Variants in IFT20 observed in about 807,000 individuals in gnomAD.
IFT20 encodes intraflagellar transport 20.
In IFT20, 4 loss-of-function variants were observed where a neutral mutation model predicts 16.9. The ratio of observed to expected loss-of-function variants is 0.24; its 90% CI spans 0.12 to 0.54. The LOEUF (loss-of-function observed/expected upper bound fraction) is 0.54. IFT20 is among the 20% of genes least tolerant of loss of function. The pLI, the probability that IFT20 is intolerant of heterozygous loss-of-function variation, is 0.95. For missense variants in IFT20, 154 were observed against 149.7 expected, an observed-to-expected ratio of 1.03 and a Z score of -0.15; for synonymous variants, 48 against 49.9, an observed-to-expected ratio of 0.96 and a Z score of 0.16.
chr17:28,328,878 C>G, intron 4 of IFT20, 145 bp from the exon 5 acceptor site: 1 of 669,488 alleles, frequency 1.5e-6, no homozygotes, highest in East Asian at 2.6e-5. Flanking sequence ...AAAGCCCTAC[C>G]CAGAGCCACC....
At chr17:28,329,079 A>T (rs782544942) in intron 4 of IFT20, 94 bp downstream of exon 4, 1 of 832,144 alleles carries the variant, frequency 1.2e-6, no homozygotes. Flanking sequence ...CTGGGAAAAC[A>T]ATGATGAAGA....
chr17:28,334,267 T>C (rs944904414), intron 1 of IFT20, among the ~76,000 whole-genome samples: 3 of 152,058 alleles, frequency 2.0e-5, no homozygotes, highest in African/African-American at 7.2e-5. Flanking sequence ...CTGAAAAAAA[T>C]GACACTTAAA....
intron 3 of IFT20, chr17:28,329,755 A>G (rs1277246671): frequency 1.2e-5 from 2 of 165,250 alleles, no homozygotes; most frequent in African/African-American, 4.8e-5. Context: ...GTGAAACCCC[A>G]TCTTTACTAA....
At chr17:28,328,892 G>A in intron 4 of IFT20, 159 bp from the exon 5 acceptor site, 2 of 650,692 alleles carry the variant, frequency 3.1e-6, no homozygotes, top group South Asian at 4.0e-5. Flanking sequence ...AGCCACCCAT[G>A]AGAAATCTCC....
intron 3 of IFT20, 75 bp downstream of exon 3, chr17:28,330,366 CAA>C: frequency 6.0e-6 from 6 of 1,007,892 alleles, no homozygotes; most frequent in Non-Finnish European, 9.6e-6. Flanking sequence ...CTAAATAAAT[CAA>C]GAGGGAAGAG....
rs1209786574 is a variant in IFT20 at position 28,329,234 on chromosome 17, T to C, written c.256A>G (p.Arg86Gly). The change falls in exon 4 of 5, where the codon AGA becomes GGA. Residue 86 changes from arginine to glycine, a missense_variant. Physicochemically the swap from Arg to Gly is moderately radical, Grantham distance 125. Transcript: ENST00000395418. ...RNLLKSIAKQREAQQQQLQAL... is the reference protein window; with the variant it reads ...RNLLKSIAKQGEAQQQQLQAL... ...TGAAGTTGCTGCTGTTGAGCTTCTC[T>C]CTGCTTTGCTATAGATTTGAGCAAG... is the stretch of plus-strand genomic sequence containing the variant. The C allele has an allele frequency of 6.2e-7, 1 of 1,614,206 alleles. No homozygotes were observed. The highest frequency in any genetic ancestry group is 1.7e-5 in the Admixed American group (1 of 60,028).
chr17:28,333,093 A>ACACACACACG (rs1337756826), intron 1 of IFT20, among the ~76,000 whole-genome samples: 10 of 148,156 alleles, frequency 6.7e-5, no homozygotes, highest in African/African-American at 2.6e-4. Flanking sequence ...ACACACACAC[A>ACACACACACG]CACACACACA....
chr17:28,330,916 C>A (rs1906734156), intron 2 of IFT20, among the ~76,000 whole-genome samples: 2 of 152,222 alleles, frequency 1.3e-5, no homozygotes, highest in South Asian at 4.1e-4. Flanking sequence ...CTGAGCCAGC[C>A]AGCCGCTATG....
intron 1 of IFT20, among the ~76,000 whole-genome samples, chr17:28,333,738 C>A (rs1469914441): frequency 1.3e-5 from 2 of 152,144 alleles, no homozygotes; most frequent in Non-Finnish European, 2.9e-5. Flanking sequence ...TGAAACCAGC[C>A]TGGGCAATGT....
intron 3 of IFT20, 83 bp downstream of exon 3, chr17:28,330,360 A>C (rs1555576328): frequency 1.0e-6 from 1 of 985,136 alleles, no homozygotes; most frequent in East Asian, 2.4e-5. Flanking sequence ...ACCCCTCTAA[A>C]TAAATCAAGA....
chr17:28,329,520 G>A (rs782621698), intron 3 of IFT20: 5 of 451,366 alleles, frequency 1.1e-5, no homozygotes, highest in Non-Finnish European at 2.0e-5. Flanking sequence ...AGGCACAATA[G>A]CACATTTGGT....
At position 28,331,929 on chromosome 17, in the gene IFT20, C is replaced by T. The variant is rs1555576612; in HGVS notation, c.57G>A (p.Leu19=). Residue 19 remains leucine (L), a synonymous_variant, in exon 2 of 5, where the codon CTG becomes CTA. Transcript: ENST00000395418. ...GGGTAACCTCTGGGTCCAACACCCT[C>T]AGCTTGTTCAGTTCATCAAAGTGTA... ...AGLHFDELNK[L]RVLDPEVTQQ... 4 of 1,614,248 alleles carry T rather than the reference C, an allele frequency of 2.5e-6. No homozygotes were observed. Among genetic ancestry groups the T allele is most frequent in the Non-Finnish European group, 3.4e-6 (4 of 1,180,040 alleles).
At chr17:28,330,312 T>C (rs530508312) in intron 3 of IFT20, 131 bp downstream of exon 3, 29 of 696,944 alleles carry the variant, frequency 4.2e-5, no homozygotes, top group Middle Eastern at 2.4e-4. Flanking sequence ...CCAGAAGTTA[T>C]TAAAATCTTA....
At chr17:28,334,774 T>G (rs1262537897) in intron 1 of IFT20, among the ~76,000 whole-genome samples, 2 of 152,190 alleles carry the variant, frequency 1.3e-5, no homozygotes, top group Non-Finnish European at 2.9e-5. Flanking sequence ...CGAGTTGAGA[T>G]GTTTTGTAAG....
chr17:28,332,975 T>G lies in IFT20; in HGVS notation c.-2-988A>C, dbSNP rs1458569394. On this transcript the variant is annotated intron_variant, in intron 1 of 4. Coordinates refer to ENST00000395418, the MANE Select transcript of IFT20 (RefSeq NM_001267776.2). The stretch of plus-strand genomic sequence containing the variant: ...GTAGGCAACAGAGAACTAACAGAGA[T>G]ATCTTCTCCCTTACCAAGCCACCTT... Among the ~76,000 whole-genome samples the G allele has an allele frequency of 2.6e-5, 4 of 151,910 alleles. No homozygotes were observed. The East Asian group carries it at 7.7e-4, about 29-fold the overall frequency.
chr17:28,331,986 G>T lies in IFT20; in HGVS notation c.-1C>A, dbSNP rs782112360. On this transcript the variant is annotated splice_region_variant and 5_prime_UTR_variant, in exon 2 of 5. Transcript: ENST00000395418. ...CTTCACCCAGGATGTCCTTGGCCAT[G>T]GCTGTAAAGAAACAGGCCCAATTCC... 106 of 1,614,066 alleles carry T rather than the reference G, an allele frequency of 6.6e-5. 1 individual carries two copies. Among genetic ancestry groups the T allele is most frequent in the Non-Finnish European group, 8.5e-7 (1 of 1,180,042 alleles).
At chr17:28,330,666 G>A in intron 2 of IFT20, 138 bp from the exon 3 acceptor site, 1 of 640,454 alleles carries the variant, frequency 1.6e-6, no homozygotes, top group Non-Finnish European at 2.8e-6. Flanking sequence ...GGCCAGGCGT[G>A]GTGGAGAGCA....
At chr17:28,329,041 A>G (rs1906540627) in intron 4 of IFT20, 132 bp downstream of exon 4, 1 of 692,758 alleles carries the variant, frequency 1.4e-6, no homozygotes, top group South Asian at 1.9e-5. Flanking sequence ...AAAATCTTCA[A>G]ATCAGGATGA....
At position 28,331,869 on chromosome 17, in the gene IFT20, G is replaced by A. The variant is rs371073494; in HGVS notation, c.117C>T (p.Asp39=). 2.0e-5 allele frequency: 32 copies of A among 1,614,096 alleles called. No individual in the cohort carries two copies. Among genetic ancestry groups the A allele is most frequent in the African/African-American group, 5.3e-5 (4 of 74,928 alleles). The part of the protein sequence containing the change: ...QTIELKEECK[D]FVDKIGQFQK... ...CTCCCCAATACTCACTGTCCACAAAGTCTTTGCACTCTTCCTTCAGCTCTA... is the reference window on the plus strand; with the variant it reads ...CTCCCCAATACTCACTGTCCACAAAATCTTTGCACTCTTCCTTCAGCTCTA... Residue 39 remains aspartate (D), a synonymous_variant, in exon 2 of 5, where the codon GAC becomes GAT. Transcript: ENST00000395418.
Sources: allele counts gnomAD v4.1 joint callset (sites outside exome capture counted in the v4.1 genomes callset), GRCh38; gene constraint gnomAD v4.1.1; transcripts MANE v1.5; gene names NCBI Gene and HGNC (gene_info 2026-07-23, HGNC 2026-07-21).